IL22RA2: variants seen among roughly 807,000 people sequenced by gnomAD.
The protein encoded by IL22RA2 is interleukin-22 receptor subunit alpha-2.
In IL22RA2, 39 loss-of-function variants were observed where a neutral mutation model predicts 30.7. That is an observed-to-expected ratio of 1.27 (90% CI 0.98 to 1.66). IL22RA2 has a LOEUF of 1.66. Among genes scored for constraint, IL22RA2 ranks in the 40% most tolerant of loss-of-function variants. The probability of loss-of-function intolerance (pLI) is 0.00; values close to 1 mark genes in which losing one functional copy is unlikely to be tolerated. For synonymous variants in IL22RA2, 103 were observed against 105.0 expected (o/e 0.98, Z 0.11); for missense variants, 315 against 312.7 (o/e 1.01, Z -0.05).
chr6:137,162,619 T>C (rs1363062377), intron 1 of IL22RA2, among the ~76,000 whole-genome samples: 2 of 152,214 alleles, frequency 1.3e-5, no homozygotes, highest in Non-Finnish European at 2.9e-5. Flanking sequence ...TATATCATTC[T>C]TCTTACCATT....
Position 137,145,534 on chromosome 6 carries a change from A to G in IL22RA2, c.*90T>C. 8.1e-7 allele frequency: 1 copy of G among 1,240,432 alleles called. No homozygotes were observed. The highest frequency in any genetic ancestry group is 1.1e-6 in the Non-Finnish European group (1 of 905,002). 76.8% of individuals were successfully genotyped at this position (1,240,432 alleles called of 1,614,324 possible). A position where few individuals can be genotyped will look rare whatever the true frequency, so the allele number is the denominator to read the frequency against. ...AATATTGCTTTAAGAAAATACAAAA[A>G]CAATTTTAAATAAGATCCTTCAAAC... On this transcript the variant is annotated 3_prime_UTR_variant, in exon 7 of 7. Coordinates refer to ENST00000296980, the MANE Select transcript of IL22RA2 (RefSeq NM_052962.3).
chr6:137,159,862 C>T (rs545203309), intron 2 of IL22RA2, among the ~76,000 whole-genome samples: 98 of 152,354 alleles, frequency 6.4e-4, no homozygotes, highest in African/African-American at 2.2e-3. Flanking sequence ...TAAAAAAACA[C>T]TTCCAAGCCC....
Position 137,173,237 on chromosome 6 carries a change from C to T in IL22RA2, c.-66+176G>A, listed in dbSNP as rs28385689. Among the ~76,000 whole-genome samples the T allele has an allele frequency of 3.0e-3, 451 of 152,120 alleles. 1 individual carries two copies. The highest frequency in any genetic ancestry group is 4.3e-3 in the Non-Finnish European group (290 of 67,974). On this transcript the variant is annotated intron_variant, in intron 1 of 6. Transcript: ENST00000296980. ...AAATACAAAAATTAGCCAGGCGTGACGGTGTGTGCCTGTAATCCCAGCTAC... is the reference window on the plus strand; with the variant it reads ...AAATACAAAAATTAGCCAGGCGTGATGGTGTGTGCCTGTAATCCCAGCTAC...
chr6:137,148,238 G>A (rs1322445766), intron 5 of IL22RA2, among the ~76,000 whole-genome samples: 1 of 152,020 alleles, frequency 6.6e-6, no homozygotes, highest in Admixed American at 6.6e-5. Flanking sequence ...TGTTTGTTTG[G>A]TTGGTTGGTT....
intron 1 of IL22RA2, among the ~76,000 whole-genome samples, chr6:137,173,001 G>A (rs1778774103): frequency 6.6e-6 from 1 of 152,094 alleles, no homozygotes; most frequent in Admixed American, 6.5e-5. Flanking sequence ...TTGAAATTGG[G>A]TGTCAGGTTT....
chr6:137,161,302 C>T (rs994643667), intron 2 of IL22RA2, among the ~76,000 whole-genome samples: 6 of 152,042 alleles, frequency 3.9e-5, no homozygotes, highest in Admixed American at 6.5e-5. Context: ...GGCTTAGGAG[C>T]CTGTGCTGGT....
intron 2 of IL22RA2, among the ~76,000 whole-genome samples, chr6:137,160,304 C>T (rs899276776): frequency 2.0e-5 from 3 of 152,230 alleles, no homozygotes; most frequent in Non-Finnish European, 4.4e-5. Context: ...CACTGAGGGA[C>T]TTTTATCTGC....
In IL22RA2 at chr6:137,145,743, C is replaced by T. The variant is rs765240421; in HGVS notation, c.673G>A (p.Ala225Thr). ...EQKVYEGAHR[A>T]VEIEALTPHS... The stretch of plus-strand genomic sequence containing the variant: ...GGTGTTAGAGCTTCAATTTCAACCG[C>T]TCTGTGAGCCCCTTCATAAACCTTT... Residue 225 changes from alanine (A) to threonine (T), a missense_variant, in exon 7 of 7, where the codon GCG becomes ACG. Transcript: ENST00000296980. The T allele has an allele frequency of 1.2e-6, 2 of 1,614,000 alleles. No homozygotes were observed. Among genetic ancestry groups the T allele is most frequent in the Non-Finnish European group, 1.7e-6 (2 of 1,179,950 alleles).
At chr6:137,173,379 A>T (rs920413534) in intron 1 of IL22RA2, 34 bp downstream of exon 1, 2 of 152,240 alleles carry the variant, frequency 1.3e-5, no homozygotes, top group African/African-American at 4.8e-5. Flanking sequence ...CCATCTCAAA[A>T]AAATAAATAA....
chr6:137,168,434 T>C (rs1012757339), intron 1 of IL22RA2, among the ~76,000 whole-genome samples: 1 of 152,156 alleles, frequency 6.6e-6, no homozygotes, highest in Admixed American at 6.5e-5. Context: ...CTTACGCGCA[T>C]AAAGGGCCCG....
At chr6:137,148,551 G>A (rs909261028) in intron 5 of IL22RA2, among the ~76,000 whole-genome samples, 2 of 152,202 alleles carry the variant, frequency 1.3e-5, no homozygotes, top group Non-Finnish European at 2.9e-5. Flanking sequence ...GGCAGCTGGG[G>A]CAGTCACTGT....
intron 5 of IL22RA2, among the ~76,000 whole-genome samples, chr6:137,150,480 A>ATTTTT (rs61381227): frequency 9.9e-6 from 1 of 100,542 alleles, no homozygotes; most frequent in Non-Finnish European, 2.0e-5. Context: ...TTCTTTTCTG[A>ATTTTT]TTTTTTTTTT....
chr6:137,163,045 T>C (rs1284570390), intron 1 of IL22RA2, among the ~76,000 whole-genome samples: 1 of 152,250 alleles, frequency 6.6e-6, no homozygotes, highest in Non-Finnish European at 1.5e-5. Context: ...GGACCTTATC[T>C]ATACTTCCCA....
At chr6:137,153,530 G>A (rs1283329590) in intron 5 of IL22RA2, among the ~76,000 whole-genome samples, 1 of 152,130 alleles carries the variant, frequency 6.6e-6, no homozygotes, top group East Asian at 1.9e-4. Context: ...ACATGTTTTT[G>A]TTTCCCATAT....
chr6:137,147,370 A>G (rs1778201097), intron 6 of IL22RA2, among the ~76,000 whole-genome samples: 1 of 144,282 alleles, frequency 6.9e-6, no homozygotes, highest in South Asian at 2.2e-4. Context: ...AAAATAAAAT[A>G]CATAATAAAT....
intron 6 of IL22RA2, among the ~76,000 whole-genome samples, chr6:137,146,688 G>A (rs952421241): frequency 6.6e-6 from 1 of 152,146 alleles, no homozygotes; most frequent in Admixed American, 6.5e-5. Flanking sequence ...AAGCACCGAT[G>A]GTGGATTAGA....
At chr6:137,161,621 T>G (rs1778522300) in intron 2 of IL22RA2, 68 bp downstream of exon 2, 1 of 1,356,096 alleles carries the variant, frequency 7.4e-7, no homozygotes, top group Non-Finnish European at 1.1e-6. Flanking sequence ...CAGTGCCATT[T>G]CCAACAGATC....
Position 137,161,710 on chromosome 6 carries a change from A to C in IL22RA2, c.40T>G (p.Phe14Val), listed in dbSNP as rs147016715. Residue 14 changes from phenylalanine to valine, a missense_variant, in exon 2 of 7, where the codon TTC (phenylalanine) becomes GTC (valine). Coordinates refer to ENST00000296980, the MANE Select transcript of IL22RA2 (RefSeq NM_052962.3). ...KHCFLGFLIS[F>V]FLTGVAGTQS... ...TTACCTGCTACACCAGTAAGGAAGA[A>C]ACTGATGAGGAAGCCTAGAAAGCAA... 8.6e-4 allele frequency: 1,388 copies of C among 1,613,700 alleles called. 11 individuals carry two copies. The East Asian group carries it at 0.014, about 16-fold the overall frequency.
intron 4 of IL22RA2, among the ~76,000 whole-genome samples, chr6:137,156,200 AC>A (rs1778402816): frequency 6.6e-6 from 1 of 152,160 alleles, no homozygotes; most frequent in South Asian, 2.1e-4. Context: ...GGGAAGATTC[AC>A]GCTTTGTTTC....
Sources: gnomAD v4.1 joint callset for allele counts (sites outside exome capture counted in the v4.1 genomes callset) on GRCh38, gnomAD v4.1.1 for gene constraint, MANE v1.5 for transcripts, NCBI Gene and HGNC (gene_info 2026-07-23, HGNC 2026-07-21) for gene names.